Variants in TWSG1 observed in about 807,000 individuals in gnomAD.
The protein encoded by TWSG1 is twisted gastrulation BMP signaling modulator 1, also known as twisted gastrulation protein homolog 1.
TWSG1 carries 15 observed loss-of-function variants against 23.0 expected under a neutral mutation model. That is an observed-to-expected ratio of 0.65 (90% confidence interval 0.44 to 1.00). The LOEUF (loss-of-function observed/expected upper bound fraction) is 1.00. TWSG1 is among the 50% of genes least tolerant of loss of function. TWSG1 has a pLI of 0.00. For missense variants in TWSG1, 242 were observed against 278.7 expected, an observed-to-expected ratio of 0.87 and a Z score of 0.94; for synonymous variants, 86 against 92.8, an observed-to-expected ratio of 0.93 and a Z score of 0.42.
chr18:9,365,102 C>A (rs375025106), intron 3 of TWSG1, among the ~76,000 whole-genome samples: 1 of 152,162 alleles, frequency 6.6e-6, no homozygotes, highest in African/African-American at 2.4e-5. Flanking sequence ...AGGAGGATCA[C>A]TTGAGCCCAG....
chr18:9,366,808 T>C (rs2040581037), intron 3 of TWSG1, among the ~76,000 whole-genome samples: 1 of 152,180 alleles, frequency 6.6e-6, no homozygotes, highest in Non-Finnish European at 1.5e-5. Context: ...AATTGACAAA[T>C]AATAGTATAT....
intron 3 of TWSG1, among the ~76,000 whole-genome samples, chr18:9,394,152 A>G (rs1189880147): frequency 2.0e-5 from 3 of 152,208 alleles, no homozygotes. Context: ...GAGTCAACCT[A>G]GATGTCCAAC....
At chr18:9,375,166 C>CAAAA (rs34522798) in intron 3 of TWSG1, among the ~76,000 whole-genome samples, 10 of 89,732 alleles carry the variant, frequency 1.1e-4, no homozygotes, top group Middle Eastern at 6.8e-3. Flanking sequence ...TACTCCGTCT[C>CAAAA]AAAAAAAAAA....
chr18:9,371,274 G>A (rs1222567022), intron 3 of TWSG1, among the ~76,000 whole-genome samples: 1 of 150,940 alleles, frequency 6.6e-6, no homozygotes, highest in African/African-American at 2.4e-5. Context: ...AAACTGCACT[G>A]ATTTAAAGGA....
chr18:9,366,401 G>A (rs1360246216), intron 3 of TWSG1, among the ~76,000 whole-genome samples: 1 of 152,228 alleles, frequency 6.6e-6, no homozygotes, highest in African/African-American at 2.4e-5. Flanking sequence ...CAGGAAAACA[G>A]GATCAGACAG....
At chr18:9,363,179 GT>G (rs2040560670) in intron 3 of TWSG1, among the ~76,000 whole-genome samples, 4 of 152,054 alleles carry the variant, frequency 2.6e-5, no homozygotes, top group Non-Finnish European at 5.9e-5. Context: ...ACTTTCCCCT[GT>G]GGCTCCCTTG....
Position 9,399,425 on chromosome 18 carries a change from A to T in TWSG1, c.570A>T (p.Ala190=). ...QCKISCESMG[A]SKYRWFHNAC... ...AAATATCCTGTGAGTCCATGGGAGC[A>T]TCCAAATATCGCTGGTTTCATAATG... Residue 190 remains alanine, a synonymous_variant, in exon 5 of 5, where the codon GCA becomes GCT. Transcript: ENST00000262120. The T allele has an allele frequency of 6.2e-7, 1 of 1,614,082 alleles. No homozygotes were observed. Among genetic ancestry groups the T allele is most frequent in the Non-Finnish European group, 8.5e-7 (1 of 1,179,946 alleles).
chr18:9,359,800 C>T lies in TWSG1; in HGVS notation c.124-172C>T, dbSNP rs115526563. Among the ~76,000 whole-genome samples the T allele has an allele frequency of 4.6e-3, 696 of 152,120 alleles. 2 individuals are homozygous for T. The highest frequency in any genetic ancestry group is 0.016 in the African/African-American group (659 of 41,472). Reference sequence around the variant, plus strand: ...ACTGAATATATCCAAAAAAAATCTACGTGACATTGTAGATATTTATGTTCT... The same window carrying T: ...ACTGAATATATCCAAAAAAAATCTATGTGACATTGTAGATATTTATGTTCT... On this transcript the variant is annotated intron_variant, in intron 2 of 4. Transcript: ENST00000262120.
At chr18:9,339,686 C>T (rs925461496) in intron 2 of TWSG1, among the ~76,000 whole-genome samples, 1 of 151,458 alleles carries the variant, frequency 6.6e-6, no homozygotes, top group African/African-American at 2.4e-5. Flanking sequence ...GCTTGTAATC[C>T]CAGCTACTTG....
rs2040476566 is a variant in TWSG1, at chr18:9,346,154, C to G, written c.123+8802C>G. 2.6e-5 allele frequency among the ~76,000 whole-genome samples: 4 copies of G among 151,974 alleles called. No individual in the cohort carries two copies. In the South Asian group the frequency reaches 8.3e-4, roughly 32 times the overall value. ...CCAACCTCTTCATCCCTCCCTACCT[C>G]CCCCCAGTCCCCTAGTAACCACTGA... On this transcript the variant is annotated intron_variant, in intron 2 of 4. Coordinates refer to ENST00000262120, the MANE Select transcript of TWSG1 (RefSeq NM_020648.6).
intron 2 of TWSG1, among the ~76,000 whole-genome samples, chr18:9,354,190 A>G (rs2040514599): frequency 6.6e-6 from 1 of 152,232 alleles, no homozygotes; most frequent in African/African-American, 2.4e-5. Flanking sequence ...TAATTGAATG[A>G]AGTTGTATAA....
chr18:9,357,539 C>T (rs1415701733), intron 2 of TWSG1, among the ~76,000 whole-genome samples: 1 of 152,124 alleles, frequency 6.6e-6, no homozygotes, highest in Non-Finnish European at 1.5e-5. Flanking sequence ...TCTGTGTTTA[C>T]ATTTTGAAAG....
intron 2 of TWSG1, among the ~76,000 whole-genome samples, chr18:9,355,970 A>G (rs755021056): frequency 3.0e-4 from 46 of 152,302 alleles, no homozygotes; most frequent in Non-Finnish European, 5.6e-4. Context: ...TATTAAGACA[A>G]TGGTTTTTTA....
chr18:9,388,091 T>G (rs1385415129), intron 3 of TWSG1: 1 of 152,234 alleles, frequency 6.6e-6, no homozygotes, highest in Non-Finnish European at 1.5e-5. Context: ...AGGAACTGTA[T>G]CAGTTGACCT....
rs372020690 is a variant in TWSG1, at chr18:9,355,213, C to T, written c.124-4759C>T. On this transcript the variant is annotated intron_variant, in intron 2 of 4. Coordinates refer to ENST00000262120, the MANE Select transcript of TWSG1 (RefSeq NM_020648.6). ...CCTTGTGATCCGCCTGCCTTGGCCT[C>T]CCAAAGTGCTGGGATTACAGGCGTG... Among the ~76,000 whole-genome samples the T allele has an allele frequency of 7.9e-5, 12 of 152,300 alleles. No homozygotes were observed. The South Asian group carries it at 2.5e-3, about 32-fold the overall frequency.
intron 2 of TWSG1, among the ~76,000 whole-genome samples, chr18:9,341,586 G>T (rs778869283): frequency 6.6e-6 from 1 of 151,876 alleles, no homozygotes; most frequent in Non-Finnish European, 1.5e-5. Context: ...TTGCCTTTCT[G>T]CTATAACAGA....
chr18:9,336,872 T>G (rs2040425601), intron 1 of TWSG1, among the ~76,000 whole-genome samples: 1 of 152,192 alleles, frequency 6.6e-6, no homozygotes, highest in African/African-American at 2.4e-5. Flanking sequence ...TTTTGAATGT[T>G]TATATAATCT....
intron 3 of TWSG1, among the ~76,000 whole-genome samples, chr18:9,367,996 C>T (rs893596629): frequency 6.6e-6 from 1 of 152,130 alleles, no homozygotes. Context: ...ATCTCTTTGA[C>T]ATACTGAGCT....
intron 2 of TWSG1, among the ~76,000 whole-genome samples, chr18:9,356,971 TAAA>T (rs34315660): frequency 5.7e-5 from 7 of 122,338 alleles, no homozygotes; most frequent in Admixed American, 8.4e-5. Context: ...TTTATAAATC[TAAA>T]AAAAAAAAAA....
Sources: allele counts gnomAD v4.1 joint callset (sites outside exome capture counted in the v4.1 genomes callset), GRCh38; gene constraint gnomAD v4.1.1; transcripts MANE v1.5; gene names NCBI Gene and HGNC (gene_info 2026-07-23, HGNC 2026-07-21).